JAZF1: variants seen among roughly 807,000 people sequenced by gnomAD.
JAZF1 encodes JAZF zinc finger 1, also known as juxtaposed with another zinc finger protein 1.
A neutral mutation model predicts 26.4 loss-of-function variants in JAZF1; 8 were observed. That is an observed-to-expected ratio of 0.30 (90% CI 0.18 to 0.55). The LOEUF is 0.55. Among genes scored for constraint, JAZF1 ranks in the 20% least tolerant of loss-of-function variants. The pLI is 0.94. For synonymous variants in JAZF1, 126 were observed against 122.3 expected (o/e 1.03, Z -0.20); for missense variants, 199 against 322.0 (o/e 0.62, Z 2.92).
chr7:28,088,155 A>C (rs1190867571), intron 1 of JAZF1, among the ~76,000 whole-genome samples: 2 of 152,236 alleles, frequency 1.3e-5, no homozygotes, highest in Non-Finnish European at 2.9e-5. Context: ...CTCAGGGTTA[A>C]CACCACGGGG....
Position 27,832,659 on chromosome 7 carries a change from AAAATT to A in JAZF1, c.*136_*140del. 1.6e-6 allele frequency: 1 copy of A among 640,164 alleles called. No homozygotes were observed. Among genetic ancestry groups the A allele is most frequent in the Non-Finnish European group, 2.5e-6 (1 of 395,076 alleles). The allele number at this position is 640,164 out of a possible 1,614,324, so 39.7% of individuals were successfully genotyped here. A position where few individuals can be genotyped will look rare whatever the true frequency, so the allele number is the denominator to read the frequency against. On this transcript the variant is annotated 3_prime_UTR_variant, in exon 5 of 5. Coordinates refer to ENST00000283928, the MANE Select transcript of JAZF1 (RefSeq NM_175061.4). ...TAACTCTACAAAGATACATCATTCC[AAAATT>A]ACAGAAAAAATTTAAAGCATGCATT...
chr7:27,908,608 T>A (rs923174735), intron 2 of JAZF1, among the ~76,000 whole-genome samples: 7 of 152,222 alleles, frequency 4.6e-5, no homozygotes, highest in African/African-American at 1.2e-4. Flanking sequence ...TTGCTCAGGC[T>A]AAACTTTGAA....
chr7:27,860,614 A>AG (rs1371207909), intron 3 of JAZF1, among the ~76,000 whole-genome samples: 1 of 152,216 alleles, frequency 6.6e-6, no homozygotes, highest in Non-Finnish European at 1.5e-5. Flanking sequence ...CAACCCTTTT[A>AG]GGTGAGTACT....
chr7:27,919,154 T>G (rs2040668), intron 2 of JAZF1, among the ~76,000 whole-genome samples: 30,296 of 152,190 alleles, frequency 0.2, 3,449 homozygotes, highest in East Asian at 0.47. Flanking sequence ...GGGTAGACTA[T>G]CTTGTTAGCA....
At chr7:27,990,462 T>G (rs1304576222) in intron 2 of JAZF1, among the ~76,000 whole-genome samples, 1 of 151,688 alleles carries the variant, frequency 6.6e-6, no homozygotes, top group South Asian at 2.1e-4. Context: ...ATATAATTAG[T>G]AGGTACCTGC....
chr7:27,915,308 T>A (rs1156814165), intron 2 of JAZF1, among the ~76,000 whole-genome samples: 1 of 152,220 alleles, frequency 6.6e-6, no homozygotes, highest in Non-Finnish European at 1.5e-5. Context: ...ATGGTAATTA[T>A]AATTTGCAAA....
At chr7:28,039,024 C>A (rs1317694710) in intron 1 of JAZF1, among the ~76,000 whole-genome samples, 1 of 152,094 alleles carries the variant, frequency 6.6e-6, no homozygotes, top group Non-Finnish European at 1.5e-5. Flanking sequence ...GACCTGCATA[C>A]TAAAATATTT....
At chr7:28,093,329 C>T (rs1308612148) in intron 1 of JAZF1, among the ~76,000 whole-genome samples, 1 of 152,152 alleles carries the variant, frequency 6.6e-6, no homozygotes, top group Admixed American at 6.5e-5. Flanking sequence ...CCTCACTCGA[C>T]GCATTCTCTC....
intron 1 of JAZF1, among the ~76,000 whole-genome samples, chr7:28,157,025 AAC>A (rs1428700101): frequency 6.6e-6 from 1 of 152,260 alleles, no homozygotes; most frequent in Non-Finnish European, 1.5e-5. Flanking sequence ...TCCTTCAACC[AAC>A]CACAGTGGAT....
chr7:27,877,106 G>A (rs144151956), intron 3 of JAZF1, among the ~76,000 whole-genome samples: 2,915 of 152,260 alleles, frequency 0.019, 90 homozygotes, highest in African/African-American at 0.067. Flanking sequence ...GGCCGCTGCT[G>A]GAAAGCCAGC....
intron 2 of JAZF1, among the ~76,000 whole-genome samples, chr7:27,969,249 G>C (rs1009580499): frequency 1.3e-5 from 2 of 152,094 alleles, no homozygotes; most frequent in Admixed American, 1.3e-4. Flanking sequence ...AAGAAGGCAG[G>C]GATAATTCCA....
chr7:27,845,919 C>A (rs1282358757), intron 3 of JAZF1, among the ~76,000 whole-genome samples: 1 of 151,888 alleles, frequency 6.6e-6, no homozygotes, highest in Non-Finnish European at 1.5e-5. Flanking sequence ...CTTTCCAGCC[C>A]TAAATCGCAG....
intron 1 of JAZF1, among the ~76,000 whole-genome samples, chr7:28,099,769 C>T (rs1389365329): frequency 3.3e-5 from 5 of 152,176 alleles, no homozygotes; most frequent in Non-Finnish European, 7.4e-5. Flanking sequence ...ATCCACCGCG[C>T]CTGGCCTTTT....
At chr7:28,129,143 A>C (rs1397187970) in intron 1 of JAZF1, among the ~76,000 whole-genome samples, 3 of 152,018 alleles carry the variant, frequency 2.0e-5, no homozygotes. Flanking sequence ...TTAGTCATAC[A>C]AGAAGACCCT....
intron 2 of JAZF1, among the ~76,000 whole-genome samples, chr7:27,970,892 C>T (rs1230351530): frequency 6.6e-6 from 1 of 152,182 alleles, no homozygotes; most frequent in Non-Finnish European, 1.5e-5. Context: ...AGTCCACAGG[C>T]TTCACAAGTT....
chr7:27,871,317 T>C (rs909437346), intron 3 of JAZF1, among the ~76,000 whole-genome samples: 3 of 152,198 alleles, frequency 2.0e-5, no homozygotes, highest in African/African-American at 4.8e-5. Context: ...TGTAAGGAGA[T>C]GATCACAATC....
intron 1 of JAZF1, among the ~76,000 whole-genome samples, chr7:28,012,779 C>A: frequency 6.6e-6 from 1 of 152,230 alleles, no homozygotes; most frequent in Admixed American, 6.5e-5. Flanking sequence ...ACATGCATTG[C>A]AGAAGGAAGC....
chr7:28,097,540 T>C (rs916241536), intron 1 of JAZF1, among the ~76,000 whole-genome samples: 15 of 152,202 alleles, frequency 9.9e-5, no homozygotes, highest in African/African-American at 2.2e-4. Context: ...ATTGATACAA[T>C]AGAACAACAC....
intron 3 of JAZF1, among the ~76,000 whole-genome samples, chr7:27,849,752 G>GACACACACAGACACACACACAC (rs1554329060): frequency 9.2e-6 from 1 of 108,444 alleles, no homozygotes; most frequent in Non-Finnish European, 1.9e-5. Context: ...CTTACACACA[G>GACACACACAGACACACACACAC]ACACACACAC....
Sources: gnomAD v4.1 joint callset for allele counts (sites outside exome capture counted in the v4.1 genomes callset) on GRCh38, gnomAD v4.1.1 for gene constraint, MANE v1.5 for transcripts, NCBI Gene and HGNC (gene_info 2026-07-23, HGNC 2026-07-21) for gene names.